IGF2BP3: variants seen among roughly 807,000 people sequenced by gnomAD.
IGF2BP3 encodes insulin-like growth factor 2 mRNA-binding protein 3.
IGF2BP3 carries 9 observed loss-of-function variants against 73.8 expected under a neutral mutation model. The observed-to-expected ratio is 0.12, with a 90% confidence interval of 0.07 to 0.21. The LOEUF (loss-of-function observed/expected upper bound fraction) is 0.21, where lower values mean the gene tolerates loss of function less well. Ranked by LOEUF, IGF2BP3 falls within the 10% of genes least tolerant of loss-of-function variation. The probability of loss-of-function intolerance (pLI) is 1.00; values close to 1 mark genes in which losing one functional copy is unlikely to be tolerated. For synonymous variants in IGF2BP3, 258 were observed against 256.7 expected (o/e 1.01, Z -0.05); for missense variants, 542 against 714.0 (o/e 0.76, Z 2.75).
chr7:23,392,309 G>A (rs551994069), intron 3 of IGF2BP3, among the ~76,000 whole-genome samples: 37 of 151,512 alleles, frequency 2.4e-4, no homozygotes, highest in African/African-American at 7.8e-4. Context: ...CACTTTCTGC[G>A]AACATGTCAC....
chr7:23,338,188 G>A (rs1329968631), intron 10 of IGF2BP3, among the ~76,000 whole-genome samples: 4 of 152,036 alleles, frequency 2.6e-5, no homozygotes, highest in African/African-American at 7.3e-5. Context: ...AGAGAAAGAG[G>A]TGAGTTTTTT....
chr7:23,414,411 C>A (rs1787124446), intron 3 of IGF2BP3: 1 of 152,190 alleles, frequency 6.6e-6, no homozygotes, highest in Non-Finnish European at 1.5e-5. Context: ...ACTCCAGGTA[C>A]AGATCTTACA....
At chr7:23,430,890 G>A (rs1787656859) in intron 2 of IGF2BP3, among the ~76,000 whole-genome samples, 1 of 152,078 alleles carries the variant, frequency 6.6e-6, no homozygotes, top group South Asian at 2.1e-4. Flanking sequence ...AGAACTTAGA[G>A]GTCCAGGAAA....
At chr7:23,390,399 C>A (rs1361897074) in intron 3 of IGF2BP3, among the ~76,000 whole-genome samples, 1 of 152,060 alleles carries the variant, frequency 6.6e-6, no homozygotes, top group African/African-American at 2.4e-5. Flanking sequence ...CAGTTTGAAG[C>A]CAAAATACCA....
At chr7:23,401,124 G>C (rs868505943) in intron 3 of IGF2BP3, among the ~76,000 whole-genome samples, 7 of 152,248 alleles carry the variant, frequency 4.6e-5, no homozygotes, top group African/African-American at 1.7e-4. Context: ...AACCATGATT[G>C]AAGAAATGGT....
intron 2 of IGF2BP3, among the ~76,000 whole-genome samples, chr7:23,443,102 ATTTTTTTTTTTTTTT>A (rs34674050): frequency 1.2e-5 from 1 of 85,816 alleles, no homozygotes; most frequent in Non-Finnish European, 2.1e-5. Context: ...CATTACAGTG[ATTTTTTTTTTTTTTT>A]TTTTTTTTTT....
At chr7:23,381,439 T>C (rs1009075368) in intron 3 of IGF2BP3, among the ~76,000 whole-genome samples, 38 of 152,200 alleles carry the variant, frequency 2.5e-4, no homozygotes, top group African/African-American at 8.9e-4. Flanking sequence ...AAGCTCTTCA[T>C]ACCAGCAAGC....
At position 23,317,730 on chromosome 7, in the gene IGF2BP3, A is replaced by C; in HGVS notation, c.1321-17T>G. On this transcript the variant is annotated splice_polypyrimidine_tract_variant and intron_variant, in intron 11 of 14. Transcript: ENST00000258729. ...TGGAGCAATCTGTAACAGACCCAAC[A>C]ACAAGTTATGATACTTTCAGGTATC... 2 of 1,606,792 alleles carry C rather than the reference A, an allele frequency of 1.2e-6. No homozygotes were observed. Among genetic ancestry groups the C allele is most frequent in the Non-Finnish European group, 1.7e-6 (2 of 1,173,220 alleles).
intron 3 of IGF2BP3, 81 bp from the exon 4 acceptor site, chr7:23,361,822 T>C: frequency 7.9e-7 from 1 of 1,261,158 alleles, no homozygotes; most frequent in South Asian, 1.4e-5. Context: ...TTAAAATCAC[T>C]AAGTAATTGT....
intron 9 of IGF2BP3, among the ~76,000 whole-genome samples, chr7:23,342,835 T>TA (rs1784745216): frequency 6.6e-6 from 1 of 152,164 alleles, no homozygotes; most frequent in African/African-American, 2.4e-5. Context: ...CTAAGGGGGT[T>TA]AGATTTAATC....
chr7:23,398,442 T>C (rs1786550235), intron 3 of IGF2BP3, among the ~76,000 whole-genome samples: 1 of 152,216 alleles, frequency 6.6e-6, no homozygotes, highest in African/African-American at 2.4e-5. Context: ...ATGGGATGGC[T>C]GGGTCAAATG....
intron 2 of IGF2BP3, among the ~76,000 whole-genome samples, chr7:23,466,503 G>A (rs1249059221): frequency 1.3e-5 from 2 of 152,166 alleles, no homozygotes; most frequent in Non-Finnish European, 2.9e-5. Flanking sequence ...AAATGAACTT[G>A]AAAAATGAAC....
In IGF2BP3 at chr7:23,340,855, T is replaced by C. The variant is rs556517781; in HGVS notation, c.1203+1209A>G. Reference sequence around the variant, plus strand: ...TTTCTTTCTTTTTCTTTTTCTTTTTTTTTTTTTTTTCCCAGACAGAGTTTC... The same window carrying C: ...TTTCTTTCTTTTTCTTTTTCTTTTTCTTTTTTTTTTCCCAGACAGAGTTTC... On this transcript the variant is annotated intron_variant, in intron 10 of 14. Transcript: ENST00000258729. Among the ~76,000 whole-genome samples, 19 of 145,990 alleles carry C rather than the reference T, an allele frequency of 1.3e-4. No individual in the cohort carries two copies. The South Asian group carries it at 1.5e-3, about 12-fold the overall frequency.
chr7:23,358,654 C>CT (rs1410873888), intron 5 of IGF2BP3, among the ~76,000 whole-genome samples: 1 of 152,218 alleles, frequency 6.6e-6, no homozygotes, highest in African/African-American at 2.4e-5. Context: ...GGTGTTTACG[C>CT]TTTCTCTGCT....
chr7:23,348,283 T>A (rs1784880775), intron 6 of IGF2BP3, among the ~76,000 whole-genome samples: 1 of 152,352 alleles, frequency 6.6e-6, no homozygotes, highest in East Asian at 1.9e-4. Flanking sequence ...ATGGCAATTC[T>A]ACTTCAAGAA....
At position 23,313,544 on chromosome 7, in the gene IGF2BP3, ACT is replaced by A; in HGVS notation, c.1503_1504del (p.Arg501SerfsTer11). ...TGCCGTTTTGCCTCCTTTTCCAATA[ACT>A]CTGCCAGCAGCAAAGGATGGCACTC... On this transcript the variant is annotated frameshift_variant, in exon 13 of 15. Transcript: ENST00000258729. LOFTEE classifies it high-confidence loss of function. 1.2e-6 allele frequency: 2 copies of A among 1,613,954 alleles called. No individual in the cohort carries two copies. Among genetic ancestry groups the A allele is most frequent in the South Asian group, 1.1e-5 (1 of 91,062 alleles).
intron 3 of IGF2BP3, among the ~76,000 whole-genome samples, chr7:23,367,553 C>T (rs570601922): frequency 1.3e-5 from 2 of 152,086 alleles, no homozygotes; most frequent in East Asian, 1.9e-4. Context: ...GGAAACATTT[C>T]TCTATGCTTA....
chr7:23,433,400 A>C (rs1261780774), intron 2 of IGF2BP3, among the ~76,000 whole-genome samples: 2 of 152,302 alleles, frequency 1.3e-5, no homozygotes, highest in East Asian at 1.9e-4. Context: ...ACAGATGTTG[A>C]AGATTCAATA....
At chr7:23,406,425 G>A (rs1423037888) in intron 3 of IGF2BP3, among the ~76,000 whole-genome samples, 3 of 152,094 alleles carry the variant, frequency 2.0e-5, no homozygotes, top group South Asian at 4.2e-4. Flanking sequence ...GGACTCCCAC[G>A]GTGAGTGTTA....
Sources: gnomAD v4.1 joint callset for allele counts (sites outside exome capture counted in the v4.1 genomes callset) on GRCh38, gnomAD v4.1.1 for gene constraint, MANE v1.5 for transcripts, NCBI Gene and HGNC (gene_info 2026-07-23, HGNC 2026-07-21) for gene names.